The following TAF12 variants were observed in gnomAD, a reference collection of about 807,000 sequenced individuals.
The protein encoded by TAF12 is TATA-box binding protein associated factor 12, also known as transcription initiation factor TFIID subunit 12.
TAF12 carries 3 observed loss-of-function variants against 20.8 expected under a neutral mutation model. The ratio of observed to expected loss-of-function variants is 0.14; its 90% CI spans 0.07 to 0.37. TAF12 has a LOEUF of 0.37. Among genes scored for constraint, TAF12 ranks in the 10% least tolerant of loss-of-function variants. The probability of loss-of-function intolerance (pLI) is 1.00; values close to 1 mark genes in which losing one functional copy is unlikely to be tolerated. For synonymous variants in TAF12, 69 were observed against 70.2 expected (o/e 0.98, Z 0.09); for missense variants, 131 against 197.9 (o/e 0.66, Z 2.03).
chr1:28,621,936 C>T lies in TAF12; in HGVS notation c.146G>A (p.Arg49His), dbSNP rs371905728. 2.0e-4 allele frequency: 320 copies of T among 1,613,260 alleles called. No individual in the cohort carries two copies. Among genetic ancestry groups the T allele is most frequent in the Non-Finnish European group, 2.6e-4 (305 of 1,179,804 alleles). ...KIPGTPGAGGRLSPENNQVLT... is the reference protein window; with the variant it reads ...KIPGTPGAGGHLSPENNQVLT... ...TACCTGATTGTTTTCAGGGCTAAGA[C>T]GACCTCCTGCCCCAGGAGTGCCTGG... The change falls in exon 2 of 6, where the codon CGT becomes CAT. Residue 49 changes from arginine to histidine, a missense_variant. Coordinates refer to ENST00000373824, the MANE Select transcript of TAF12 (RefSeq NM_005644.4).
chr1:28,628,591 G>T lies in TAF12; in HGVS notation c.-84-6426C>A, dbSNP rs1025862622. Among the ~76,000 whole-genome samples, 3 of 150,120 alleles carry T rather than the reference G, an allele frequency of 2.0e-5. No homozygotes were observed. The Admixed American group carries it at 2.0e-4, about 10-fold the overall frequency. On this transcript the variant is annotated intron_variant, in intron 1 of 5. Coordinates refer to ENST00000373824, the MANE Select transcript of TAF12 (RefSeq NM_005644.4). The stretch of plus-strand genomic sequence containing the variant: ...CATTGTGGTGATGGTTGCCAACCCT[G>T]ATTATATTAAAAAAAAAACCCACAG...
intron 3 of TAF12, among the ~76,000 whole-genome samples, chr1:28,614,690 C>T (rs1203735509): frequency 6.9e-6 from 1 of 144,136 alleles, no homozygotes; most frequent in Admixed American, 7.0e-5. Context: ...AAAAAAAAAG[C>T]AAGCAAGCAG....
chr1:28,616,095 C>CT, intron 3 of TAF12, among the ~76,000 whole-genome samples: 1 of 152,242 alleles, frequency 6.6e-6, no homozygotes, highest in East Asian at 1.9e-4. Flanking sequence ...GTGAGTGATT[C>CT]TTTAAGAATG....
chr1:28,606,431 G>T (rs991455581), intron 4 of TAF12, among the ~76,000 whole-genome samples: 1 of 151,912 alleles, frequency 6.6e-6, no homozygotes, highest in Non-Finnish European at 1.5e-5. Flanking sequence ...GAGCCACTGC[G>T]CCTGGCTGTA....
At chr1:28,619,570 C>T (rs889222985) in intron 2 of TAF12, among the ~76,000 whole-genome samples, 15 of 149,488 alleles carry the variant, frequency 1.0e-4, no homozygotes, top group African/African-American at 3.7e-4. Context: ...CACTTGACCT[C>T]CTCAGTGCCC....
upstream of TAF12, among the ~76,000 whole-genome samples, chr1:28,647,873 CAAA>C (rs35986604): frequency 6.8e-6 from 1 of 147,778 alleles, no homozygotes; most frequent in Non-Finnish European, 1.5e-5. Flanking sequence ...GACTCCGTCT[CAAA>C]AAAAAAAAAA....
chr1:28,618,979 T>TA (rs1570310643), intron 2 of TAF12, among the ~76,000 whole-genome samples: 1 of 151,414 alleles, frequency 6.6e-6, no homozygotes, highest in Admixed American at 6.6e-5. Context: ...GGCCAGGAGT[T>TA]AGAGACTGCA....
intron 1 of TAF12, among the ~76,000 whole-genome samples, chr1:28,637,591 T>G (rs1048824298): frequency 1.4e-4 from 21 of 151,662 alleles, no homozygotes; most frequent in African/African-American, 4.8e-4. Flanking sequence ...CTTGAACCCG[T>G]GAGGCGGAGG....
At chr1:28,642,923 C>G in intron 1 of TAF12, 69 bp downstream of exon 1, 1 of 986,246 alleles carries the variant, frequency 1.0e-6, no homozygotes, top group South Asian at 4.7e-5. Flanking sequence ...AACACTGACC[C>G]ACTGTAGGTC....
chr1:28,611,588 T>C (rs889840462), intron 4 of TAF12, among the ~76,000 whole-genome samples: 3 of 152,112 alleles, frequency 2.0e-5, no homozygotes, highest in African/African-American at 4.8e-5. Context: ...GTAAAGACCG[T>C]GGCAAAGCCT....
At chr1:28,644,351 C>G (rs540563216), upstream of TAF12, among the ~76,000 whole-genome samples, 3 of 152,354 alleles carry the variant, frequency 2.0e-5, no homozygotes, top group South Asian at 4.1e-4. Context: ...GATTCAAGTC[C>G]TCATGAACAT....
intron 1 of TAF12, chr1:28,642,744 C>T (rs1273755757): frequency 1.7e-5 from 17 of 985,378 alleles, no homozygotes; most frequent in Non-Finnish European, 2.0e-5. Context: ...CCTCTCAGAC[C>T]ACTTTCCCTC....
At chr1:28,623,889 T>C (rs1379649441) in intron 1 of TAF12, 1 of 907,716 alleles carries the variant, frequency 1.1e-6, no homozygotes, top group Non-Finnish European at 1.3e-6. Context: ...TTGGGTGTCA[T>C]CACGATCAGA....
intron 1 of TAF12, 117 bp downstream of exon 1, chr1:28,642,875 T>C (rs1440479543): frequency 5.1e-6 from 5 of 985,962 alleles, no homozygotes; most frequent in Non-Finnish European, 4.8e-6. Flanking sequence ...AGAGCCTGAA[T>C]CCTCACAGCC....
intron 1 of TAF12, among the ~76,000 whole-genome samples, chr1:28,637,703 T>C (rs1667885637): frequency 6.6e-6 from 1 of 152,116 alleles, no homozygotes; most frequent in African/African-American, 2.4e-5. Context: ...TTGCTCTCTT[T>C]ACCCTCCCTG....
intron 1 of TAF12, among the ~76,000 whole-genome samples, chr1:28,637,508 T>TA (rs1667876134): frequency 6.6e-6 from 1 of 151,658 alleles, no homozygotes. Context: ...CTACTAAAAA[T>TA]ACAAAAAATA....
intron 1 of TAF12, among the ~76,000 whole-genome samples, chr1:28,636,424 C>A (rs1020290616): frequency 2.0e-5 from 3 of 152,078 alleles, no homozygotes; most frequent in Non-Finnish European, 4.4e-5. Flanking sequence ...AACTGTGCCA[C>A]TTTTCAGCTG....
At chr1:28,612,790 G>A (rs1666910719) in intron 4 of TAF12, among the ~76,000 whole-genome samples, 1 of 151,908 alleles carries the variant, frequency 6.6e-6, no homozygotes, top group Non-Finnish European at 1.5e-5. Flanking sequence ...TGGAAAAAAT[G>A]CATAAATAGG....
At chr1:28,648,247 G>A (rs1048052613) in exon 1 of TAF12, 22 of 985,206 alleles carry the variant, frequency 2.2e-5, no homozygotes, top group African/African-American at 3.5e-5. Context: ...GACGCCTTCT[G>A]TCGTGAGCAG....
Sources: gnomAD v4.1 joint callset for allele counts (sites outside exome capture counted in the v4.1 genomes callset) on GRCh38, gnomAD v4.1.1 for gene constraint, MANE v1.5 for transcripts, NCBI Gene and HGNC (gene_info 2026-07-23, HGNC 2026-07-21) for gene names.